Variants in LOC128125822 observed in about 807,000 individuals in gnomAD.
chr6:63,580,209 T>C, the LOC128125822 span: 1 of 1,475,056 alleles, frequency 6.8e-7, no homozygotes, highest in Middle Eastern at 2.2e-4. Context: ...AAGTGGAACT[T>C]GAGATAGGGC....
the LOC128125822 span, chr6:63,582,961 A>T: frequency 2.0e-5 from 3 of 152,202 alleles, no homozygotes; most frequent in Non-Finnish European, 2.9e-5. Context: ...CAACTTGGCT[A>T]AAGAATCTCA....
At chr6:63,572,729 C>T in the LOC128125822 span, 2 of 398,336 alleles carry the variant, frequency 5.0e-6, no homozygotes, top group Non-Finnish European at 8.9e-6. Flanking sequence ...TGTGAGTAGC[C>T]GTCGCATCGT....
chr6:63,580,385 C>G, the LOC128125822 span: 2 of 492,606 alleles, frequency 4.1e-6, no homozygotes, highest in Non-Finnish European at 7.3e-6. Context: ...AAGATTCTTG[C>G]TGTCAGCATA....
the LOC128125822 span, chr6:63,578,645 C>G: frequency 2.7e-5 from 37 of 1,371,260 alleles, no homozygotes; most frequent in Non-Finnish European, 3.5e-5. Context: ...AAGCTAAAAA[C>G]AAATATTATA....
At chr6:63,578,805 G>T in the LOC128125822 span, 11 of 1,256,094 alleles carry the variant, frequency 8.8e-6, no homozygotes, top group Non-Finnish European at 1.2e-5. Context: ...AAATGAGAAT[G>T]CTTTTGAAAA....
the LOC128125822 span, among the ~76,000 whole-genome samples, chr6:63,578,129 C>T: frequency 3.9e-5 from 6 of 152,032 alleles, no homozygotes; most frequent in Non-Finnish European, 8.8e-5. Context: ...CATCCCAATC[C>T]GGTATTACCA....
At chr6:63,579,627 A>G in the LOC128125822 span, among the ~76,000 whole-genome samples, 63 of 152,352 alleles carry the variant, frequency 4.1e-4, no homozygotes, top group African/African-American at 1.4e-3. Context: ...AAGATACAAT[A>G]AAATGCACAG....
the LOC128125822 span, chr6:63,572,636 AGCCACC>A: frequency 4.8e-6 from 2 of 419,664 alleles, no homozygotes; most frequent in African/African-American, 2.1e-5. Context: ...CCTGCCCTGC[AGCCACC>A]GCCACCGCCT....
At chr6:63,579,145 TTAAA>T in the LOC128125822 span, 1 of 1,378,876 alleles carries the variant, frequency 7.3e-7, no homozygotes, top group South Asian at 1.5e-5. Flanking sequence ...TAGGTATTAC[TTAAA>T]TAGGAAGGGT....
At chr6:63,577,649 C>T in the LOC128125822 span, among the ~76,000 whole-genome samples, 2 of 151,916 alleles carry the variant, frequency 1.3e-5, no homozygotes, top group Non-Finnish European at 2.9e-5. Context: ...CTCTGCCTCC[C>T]GGGTTCAAGC....
the LOC128125822 span, chr6:63,580,283 G>A: frequency 4.5e-6 from 4 of 883,892 alleles, no homozygotes; most frequent in Non-Finnish European, 7.1e-6. Flanking sequence ...TTCCATAGGA[G>A]TATTGAAAGG....
chr6:63,581,555 G>T, the LOC128125822 span: 1 of 152,156 alleles, frequency 6.6e-6, no homozygotes, highest in African/African-American at 2.4e-5. Flanking sequence ...ATAAATGAAG[G>T]ATTATAAATG....
At chr6:63,578,611 T>C in the LOC128125822 span, 1 of 1,511,482 alleles carries the variant, frequency 6.6e-7, no homozygotes, top group African/African-American at 1.4e-5. Context: ...TAAATATCTA[T>C]TTAAGTCATA....
the LOC128125822 span, chr6:63,576,821 C>T: frequency 7.3e-7 from 1 of 1,366,098 alleles, no homozygotes. Context: ...TGCATCATTT[C>T]TGTATTCAAT....
chr6:63,576,675 T>C, the LOC128125822 span: 1 of 581,324 alleles, frequency 1.7e-6, no homozygotes. Flanking sequence ...TTCTTTTCTG[T>C]TGGCCTCAGT....
the LOC128125822 span, among the ~76,000 whole-genome samples, chr6:63,575,901 A>G: frequency 6.6e-6 from 1 of 152,080 alleles, no homozygotes; most frequent in Non-Finnish European, 1.5e-5. Flanking sequence ...AAGTTGGAAA[A>G]GAACTTAGAT....
the LOC128125822 span, among the ~76,000 whole-genome samples, chr6:63,575,487 AG>A: frequency 6.6e-6 from 1 of 152,184 alleles, no homozygotes; most frequent in South Asian, 2.1e-4. Context: ...TTAGTTCTTA[AG>A]GGGGAACTTA....
the LOC128125822 span, chr6:63,572,658 G>A: frequency 2.4e-6 from 1 of 411,452 alleles, no homozygotes; most frequent in Non-Finnish European, 4.2e-6. Context: ...CGCCTGTGTC[G>A]CCGCCGCCTC....
chr6:63,580,061 C>T, the LOC128125822 span: 1 of 1,591,270 alleles, frequency 6.3e-7, no homozygotes, highest in Non-Finnish European at 8.6e-7. Flanking sequence ...TCCCAGAAAG[C>T]GGCGTGGAGC....
Sources: gnomAD v4.1 joint callset for allele counts (sites outside exome capture counted in the v4.1 genomes callset) on GRCh38, gnomAD v4.1.1 for gene constraint, MANE v1.5 for transcripts.